Variants in TRPM5 observed in about 807,000 individuals in gnomAD.
TRPM5 encodes the protein transient receptor potential cation channel subfamily M member 5.
TRPM5 carries 121 observed loss-of-function variants against 124.9 expected under a neutral mutation model. The observed-to-expected ratio is 0.97, with a 90% CI of 0.84 to 1.13. The LOEUF is 1.13. TRPM5 is among the 50% of genes most tolerant of loss of function. The pLI, the probability that TRPM5 is intolerant of heterozygous loss-of-function variation, is 0.00. For synonymous variants in TRPM5, 781 were observed against 700.5 expected (o/e 1.11, Z -1.81); for missense variants, 1,643 against 1,589.1 (o/e 1.03, Z -0.58).
chr11:2,405,727 A>T, intron 22 of TRPM5, 134 bp from the exon 28 acceptor site: 4 of 1,013,084 alleles, frequency 3.9e-6, no homozygotes, highest in Non-Finnish European at 5.9e-6. Flanking sequence ...GCTGCCGCTC[A>T]CAGGCAGGGG....
rs775411657 is a variant in TRPM5 at position 2,413,560 on chromosome 11, T to TC, written c.1918dup (p.Asp640GlyfsTer30). ...CAGGATGGGCGTGCCTGCGGCCATG[T>TC]CCCCCCACCAGATCCTGGTCAGGAA... On this transcript the variant is annotated frameshift_variant, in exon 13 of 24. Transcript: ENST00000155858. LOFTEE classifies it high-confidence loss of function. The TC allele has an allele frequency of 3.7e-5, 59 of 1,612,344 alleles. No individual in the cohort carries two copies. Among genetic ancestry groups the TC allele is most frequent in the South Asian group, 1.4e-4 (13 of 90,968 alleles).
At chr11:2,416,936 G>A (rs994120263) in intron 7 of TRPM5, among the ~76,000 whole-genome samples, 3 of 152,182 alleles carry the variant, frequency 2.0e-5, no homozygotes, top group Non-Finnish European at 4.4e-5. Context: ...AATGGCATAC[G>A]CTTCAACACG....
the TRPM5 span, among the ~76,000 whole-genome samples, chr11:2,436,333 C>A: frequency 6.6e-6 from 1 of 152,288 alleles, no homozygotes; most frequent in Admixed American, 6.5e-5. Flanking sequence ...CACCATTGTA[C>A]CAGTCTGGCA....
intron 23 of TRPM5, 118 bp downstream of exon 28, chr11:2,405,409 C>A: frequency 8.9e-7 from 1 of 1,118,930 alleles, no homozygotes; most frequent in Non-Finnish European, 1.3e-6. Context: ...CCAAGGCCTC[C>A]TGAGACTCCC....
chr11:2,429,320 G>C, the TRPM5 span, among the ~76,000 whole-genome samples: 10 of 151,540 alleles, frequency 6.6e-5, no homozygotes, highest in African/African-American at 2.4e-4. The surrounding 1 kb of genome is among the most constrained non-coding windows in gnomAD (Gnocchi z 8.4). Context: ...GCTGATGGTG[G>C]TGGTGATGAT....
chr11:2,405,679 C>T, intron 22 of TRPM5, 86 bp from the exon 28 acceptor site: 1 of 1,420,458 alleles, frequency 7.0e-7, no homozygotes. Flanking sequence ...CCCTCTCCTG[C>T]CAGGGCCCCC....
the TRPM5 span, among the ~76,000 whole-genome samples, chr11:2,443,252 G>GAC: frequency 1.3e-5 from 2 of 152,154 alleles, no homozygotes; most frequent in African/African-American, 4.8e-5. This position sits in a 1 kb window ranked among gnomAD's most constrained non-coding sequence, Gnocchi z 5.0. Flanking sequence ...CTTTCTTTAT[G>GAC]ACTGTCCAGT....
chr11:2,418,103 C>T (rs1327632790), intron 6 of TRPM5, 64 bp downstream of exon 11: 3 of 1,430,896 alleles, frequency 2.1e-6, no homozygotes, highest in African/African-American at 1.4e-5. Context: ...CAGGAACTCT[C>T]CCAGAGGACC....
intron 20 of TRPM5, 94 bp downstream of exon 25, chr11:2,407,025 C>T: frequency 7.1e-7 from 1 of 1,410,238 alleles, no homozygotes; most frequent in Non-Finnish European, 9.3e-7. Context: ...AGGAGGGGTC[C>T]AGGTCTCTCC....
In TRPM5 at chr11:2,409,314, G is replaced by C. The variant is rs192874627; in HGVS notation, c.2783-1402C>G. Among the ~76,000 whole-genome samples, 904 of 152,234 alleles carry C rather than the reference G, an allele frequency of 5.9e-3. 12 individuals are homozygous for C. Among genetic ancestry groups the C allele is most frequent in the African/African-American group, 0.021 (865 of 41,532 alleles). ...TCCTCCCTGCACTCTGGAGGAGCGG[G>C]CCGGGGCCAGCCTGGAGAGCCTGTT... On this transcript the variant is annotated intron_variant, in intron 18 of 23. Transcript: ENST00000155858.
upstream of TRPM5, chr11:2,423,157 T>G: frequency 1.3e-6 from 1 of 780,234 alleles, no homozygotes; most frequent in Non-Finnish European, 2.1e-6. Context: ...CCAGCCAACA[T>G]GCACAAGGAG....
At chr11:2,415,533 G>T (rs1722481371) in intron 8 of TRPM5, 62 bp from the exon 14 acceptor site, 1 of 1,183,206 alleles carries the variant, frequency 8.5e-7, no homozygotes, top group Non-Finnish European at 1.2e-6. Flanking sequence ...ACAGGAGGAG[G>T]GGGTCCAAGG....
exon 24 of TRPM5, chr11:2,404,793 G>A: frequency 1.6e-6 from 1 of 638,524 alleles, no homozygotes; most frequent in Admixed American, 2.7e-5. Flanking sequence ...GTGAGGGTCT[G>A]TGGTGAGGCA....
chr11:2,442,420 C>CAG, the TRPM5 span, among the ~76,000 whole-genome samples: 1 of 134,382 alleles, frequency 7.4e-6, no homozygotes, highest in Non-Finnish European at 1.6e-5. The surrounding 1 kb of genome is among the most constrained non-coding windows in gnomAD (Gnocchi z 5.9). Context: ...CACACACACA[C>CAG]AGAGTTCTTT....
chr11:2,427,144 C>T (rs1024232267), upstream of TRPM5, among the ~76,000 whole-genome samples: 9 of 152,222 alleles, frequency 5.9e-5, no homozygotes, highest in African/African-American at 1.2e-4. Flanking sequence ...CCCAGGGAAG[C>T]GGGGATCCTC....
intron 12 of TRPM5, among the ~76,000 whole-genome samples, 183 bp from the exon 18 acceptor site, chr11:2,413,771 GT>G (rs1850505479): frequency 6.6e-6 from 1 of 152,236 alleles, no homozygotes; most frequent in African/African-American, 2.4e-5. Context: ...CATCCCAGGG[GT>G]GTGGGTTGAG....
Position 2,407,243 on chromosome 11 carries a change from G to A in TRPM5, c.2994C>T (p.Tyr998=), listed in dbSNP as rs1478463150. The stretch of plus-strand genomic sequence containing the variant: ...GCTCGTGGTACTCCACAATCAGGTT[G>A]TAGCGCTGGAACTTCCAGAACATGT... Residue 998 remains tyrosine, a synonymous_variant, in exon 20 of 24, where the codon TAC becomes TAT. Coordinates refer to ENST00000155858, the Ensembl canonical transcript of TRPM5. The A allele has an allele frequency of 1.9e-6, 3 of 1,612,318 alleles. No homozygotes were observed. The highest frequency in any genetic ancestry group is 2.5e-6 in the Non-Finnish European group (3 of 1,179,754).
chr11:2,433,977 GTGTC>G, the TRPM5 span, among the ~76,000 whole-genome samples: 10 of 152,118 alleles, frequency 6.6e-5, no homozygotes, highest in African/African-American at 9.7e-5. Flanking sequence ...TGGACTGTAT[GTGTC>G]TGTGTGGATC....
chr11:2,433,075 G>T, the TRPM5 span, among the ~76,000 whole-genome samples: 1 of 152,214 alleles, frequency 6.6e-6, no homozygotes, highest in Non-Finnish European at 1.5e-5. Flanking sequence ...CGCCTGCAGC[G>T]TGCCACTGCT....
Sources: gnomAD v4.1 joint callset for allele counts (sites outside exome capture counted in the v4.1 genomes callset) on GRCh38, gnomAD v4.1.1 for gene constraint, Gnocchi (gnomAD v3.1) non-coding constraint, MANE v1.5 for transcripts, NCBI Gene and HGNC (gene_info 2026-07-23, HGNC 2026-07-21) for gene names.